The following KCNIP4 variants were observed in gnomAD, a reference collection of about 807,000 sequenced individuals.
The protein encoded by KCNIP4 is potassium voltage-gated channel interacting protein 4.
Under a neutral mutation model 34.0 loss-of-function variants are expected in KCNIP4, and 12 were observed. The ratio of observed to expected loss-of-function variants is 0.35; its 90% confidence interval spans 0.23 to 0.57. The LOEUF is 0.57. KCNIP4 is among the 20% of genes least tolerant of loss of function. The pLI is 0.83. For missense variants in KCNIP4, 238 were observed against 311.7 expected, an observed-to-expected ratio of 0.76 and a Z score of 1.78; for synonymous variants, 124 against 102.2, an observed-to-expected ratio of 1.21 and a Z score of -1.29.
At chr4:21,867,797 C>G (rs971641803) in intron 1 of KCNIP4, among the ~76,000 whole-genome samples, 1 of 152,164 alleles carries the variant, frequency 6.6e-6, no homozygotes, top group African/African-American at 2.4e-5. Flanking sequence ...TCATCAATAT[C>G]AATCTTCTTA....
At chr4:21,706,130 T>G (rs183864714) in intron 1 of KCNIP4, among the ~76,000 whole-genome samples, 2 of 152,298 alleles carry the variant, frequency 1.3e-5, no homozygotes, top group East Asian at 1.9e-4. Context: ...TAATTTGGAT[T>G]AGATATAACT....
chr4:21,824,292 T>C (rs1204027483), intron 1 of KCNIP4, among the ~76,000 whole-genome samples: 1 of 152,180 alleles, frequency 6.6e-6, no homozygotes, highest in Non-Finnish European at 1.5e-5. Context: ...GGGACCAGAC[T>C]GCCTATGTAA....
At chr4:21,393,618 G>A (rs2109523985) in intron 1 of KCNIP4, among the ~76,000 whole-genome samples, 1 of 152,102 alleles carries the variant, frequency 6.6e-6, no homozygotes, top group South Asian at 2.1e-4. Context: ...ACAGACTAAT[G>A]GTAATAACTG....
intron 1 of KCNIP4, among the ~76,000 whole-genome samples, chr4:20,927,983 T>C (rs1730063192): frequency 6.6e-6 from 1 of 152,056 alleles, no homozygotes; most frequent in Non-Finnish European, 1.5e-5. Flanking sequence ...ACTAATTTAT[T>C]CAATTCGAGC....
intron 1 of KCNIP4, among the ~76,000 whole-genome samples, chr4:21,065,248 C>T (rs936008969): frequency 3.3e-5 from 5 of 152,118 alleles, no homozygotes; most frequent in African/African-American, 1.2e-4. Context: ...TCGAGTGTCC[C>T]TACACTACCA....
intron 1 of KCNIP4, among the ~76,000 whole-genome samples, chr4:21,011,883 T>C (rs1427203508): frequency 6.6e-6 from 1 of 152,222 alleles, no homozygotes; most frequent in East Asian, 1.9e-4. Context: ...CAGATTCTGA[T>C]TTAATCACTT....
At chr4:21,028,078 A>G (rs1184192234) in intron 1 of KCNIP4, among the ~76,000 whole-genome samples, 1 of 152,150 alleles carries the variant, frequency 6.6e-6, no homozygotes, top group Non-Finnish European at 1.5e-5. Flanking sequence ...CCATCCTTTC[A>G]GTCATTCAGG....
At chr4:21,643,147 T>C (rs1199107283) in intron 1 of KCNIP4, among the ~76,000 whole-genome samples, 1 of 152,204 alleles carries the variant, frequency 6.6e-6, no homozygotes, top group Non-Finnish European at 1.5e-5. Context: ...TATGAATATG[T>C]TCAAGTGTGT....
chr4:21,211,595 C>T (rs527986722), intron 1 of KCNIP4, among the ~76,000 whole-genome samples: 13 of 152,116 alleles, frequency 8.5e-5, no homozygotes, highest in East Asian at 1.9e-4. Flanking sequence ...TCCAGGAAAC[C>T]GATTGGTCCC....
At chr4:21,625,801 C>T (rs937364487) in intron 1 of KCNIP4, among the ~76,000 whole-genome samples, 4 of 152,120 alleles carry the variant, frequency 2.6e-5, no homozygotes, top group African/African-American at 9.7e-5. Context: ...TGAAAAATTG[C>T]TGACTGTGTG....
intron 1 of KCNIP4, among the ~76,000 whole-genome samples, chr4:21,802,022 T>A (rs2109254328): frequency 6.6e-6 from 1 of 151,836 alleles, no homozygotes; most frequent in South Asian, 2.1e-4. Flanking sequence ...GGGGCTAAGG[T>A]CCTGAAGTTC....
intron 1 of KCNIP4, among the ~76,000 whole-genome samples, chr4:21,037,786 C>T (rs765851885): frequency 3.3e-5 from 5 of 151,972 alleles, no homozygotes; most frequent in Non-Finnish European, 5.9e-5. Flanking sequence ...AAAAAGGTCT[C>T]GCAAACCCTC....
intron 1 of KCNIP4, among the ~76,000 whole-genome samples, chr4:21,146,384 C>T (rs752383679): frequency 3.3e-5 from 5 of 149,644 alleles, no homozygotes; most frequent in Non-Finnish European, 7.4e-5. Context: ...GGCGACAGAG[C>T]GAGACTCGTC....
In KCNIP4 at chr4:21,311,582, G is replaced by T. The variant is rs183314798; in HGVS notation, c.62-428873C>A. On this transcript the variant is annotated intron_variant, in intron 1 of 8. Coordinates refer to ENST00000382152, the MANE Select transcript of KCNIP4 (RefSeq NM_025221.6). ...TGCGTGCCTGTAGTCCCAGCTACTT[G>T]GGAGGCTGAGGCGGGAGAATCGCTT... 1.9e-4 allele frequency among the ~76,000 whole-genome samples: 29 copies of T among 152,140 alleles called. No homozygotes were observed. The East Asian group carries it at 5.4e-3, about 28-fold the overall frequency.
At chr4:21,669,696 GA>G (rs1749321585) in intron 1 of KCNIP4, among the ~76,000 whole-genome samples, 1 of 152,074 alleles carries the variant, frequency 6.6e-6, no homozygotes, top group Admixed American at 6.5e-5. Flanking sequence ...AGAAGAAACT[GA>G]GGCACAAAGA....
At chr4:21,786,156 C>G (rs1719898199) in intron 1 of KCNIP4, among the ~76,000 whole-genome samples, 1 of 152,194 alleles carries the variant, frequency 6.6e-6, no homozygotes, top group African/African-American at 2.4e-5. Flanking sequence ...ACCATATTGG[C>G]CAGGATGGTC....
At chr4:21,891,252 G>T (rs1292820240) in intron 1 of KCNIP4, among the ~76,000 whole-genome samples, 1 of 152,184 alleles carries the variant, frequency 6.6e-6, no homozygotes, top group Admixed American at 6.6e-5. Flanking sequence ...TAAATTAAGT[G>T]ACTGCTGTCA....
At chr4:21,460,600 G>A (rs943393820) in intron 1 of KCNIP4, among the ~76,000 whole-genome samples, 11 of 152,046 alleles carry the variant, frequency 7.2e-5, no homozygotes, top group Non-Finnish European at 1.5e-4. Context: ...GAGAGAGAAT[G>A]CTCTGGCCTC....
intron 1 of KCNIP4, among the ~76,000 whole-genome samples, chr4:21,675,878 A>C (rs1360324179): frequency 6.6e-6 from 1 of 152,170 alleles, no homozygotes; most frequent in Non-Finnish European, 1.5e-5. Flanking sequence ...AAATCAGCTT[A>C]CTTCTACCAA....
Sources: gnomAD v4.1 joint callset for allele counts (sites outside exome capture counted in the v4.1 genomes callset) on GRCh38, gnomAD v4.1.1 for gene constraint, MANE v1.5 for transcripts, NCBI Gene and HGNC (gene_info 2026-07-23, HGNC 2026-07-21) for gene names.